The following DCAF6 variants were observed in gnomAD, a reference collection of about 807,000 sequenced individuals.
DCAF6 encodes the protein DDB1- and CUL4-associated factor 6.
A neutral mutation model predicts 125.1 loss-of-function variants in DCAF6; 54 were observed. That is an observed-to-expected ratio of 0.43 (90% CI 0.35 to 0.54). DCAF6 has a LOEUF of 0.54. Ranked by LOEUF, DCAF6 falls within the 20% of genes least tolerant of loss-of-function variation. DCAF6 has a pLI of 0.01. For missense variants in DCAF6, 934 were observed against 1,161.7 expected (o/e 0.80, Z 2.85); for synonymous variants, 371 against 390.4 (o/e 0.95, Z 0.58).
chr1:167,989,101 A>G (rs192003702), intron 5 of DCAF6, among the ~76,000 whole-genome samples: 2 of 151,558 alleles, frequency 1.3e-5, no homozygotes, highest in African/African-American at 2.4e-5. Context: ...AACAAAACAA[A>G]AAAACCTTTA....
At chr1:167,885,114 CAG>C in the DCAF6 span, among the ~76,000 whole-genome samples, 1 of 139,522 alleles carries the variant, frequency 7.2e-6, no homozygotes, top group Non-Finnish European at 1.6e-5. Flanking sequence ...TTGCAAATGA[CAG>C]ATCTCATTTT....
At chr1:167,893,922 G>T in the DCAF6 span, 1 of 1,613,304 alleles carries the variant, frequency 6.2e-7, no homozygotes. Context: ...GCTTCAGCGT[G>T]CATGCAAGCC....
chr1:167,869,750 C>T, the DCAF6 span, among the ~76,000 whole-genome samples: 1 of 152,292 alleles, frequency 6.6e-6, no homozygotes, highest in Admixed American at 6.5e-5. Context: ...TGCAGACCCC[C>T]TTAGAGTTGT....
In DCAF6 at chr1:168,038,454, A is replaced by G. The variant is rs199557349; in HGVS notation, c.1693A>G (p.Thr565Ala). 3 of 1,609,634 alleles carry G rather than the reference A, an allele frequency of 1.9e-6. No homozygotes were observed. Among genetic ancestry groups the G allele is most frequent in the East Asian group, 2.2e-5 (1 of 44,732 alleles). Residue 565 changes from threonine to alanine, a missense_variant, in exon 13 of 22, where the codon ACA becomes GCA. Physicochemically the swap from Thr to Ala is moderately conservative, Grantham distance 58. Coordinates refer to ENST00000367840, the MANE Select transcript of DCAF6 (RefSeq NM_001198956.2). ...GCACTACAGCACAGAAGGAACAACTACAAGCACAATAAAACTGAACTTTAC... is the reference window on the plus strand; with the variant it reads ...GCACTACAGCACAGAAGGAACAACTGCAAGCACAATAAAACTGAACTTTAC... Reference protein sequence around the residue: ...SLHYSTEGTTTSTIKLNFTDE... With the variant: ...SLHYSTEGTTASTIKLNFTDE...
intron 21 of DCAF6, among the ~76,000 whole-genome samples, chr1:168,074,292 G>A (rs1178273169): frequency 1.3e-5 from 2 of 151,932 alleles, no homozygotes; most frequent in Non-Finnish European, 2.9e-5. Context: ...GTCTTCTCTT[G>A]CTGTTGACAG....
chr1:167,880,908 C>T, the DCAF6 span, among the ~76,000 whole-genome samples: 2 of 152,136 alleles, frequency 1.3e-5, no homozygotes, highest in Non-Finnish European at 1.5e-5. Context: ...CTGCAAAGTG[C>T]TCAGTTTAAG....
chr1:167,931,800 TTA>T (rs1276107972), upstream of DCAF6, among the ~76,000 whole-genome samples: 1 of 152,194 alleles, frequency 6.6e-6, no homozygotes, highest in African/African-American at 2.4e-5. Context: ...TATAAAATTT[TTA>T]TGATACAGAT....
chr1:168,047,430 C>G (rs536202531), intron 16 of DCAF6, among the ~76,000 whole-genome samples: 1 of 152,008 alleles, frequency 6.6e-6, no homozygotes. Context: ...AGATTTGAAA[C>G]CACTCTGGGA....
At chr1:168,031,801 C>T (rs777876929) in intron 12 of DCAF6, among the ~76,000 whole-genome samples, 3 of 151,816 alleles carry the variant, frequency 2.0e-5, no homozygotes, top group Non-Finnish European at 4.4e-5. Context: ...ATGGCGTGGG[C>T]GTATTTACTT....
intron 2 of DCAF6, among the ~76,000 whole-genome samples, chr1:167,952,614 C>T (rs1557884062): frequency 6.6e-6 from 1 of 152,162 alleles, no homozygotes; most frequent in African/African-American, 2.4e-5. Flanking sequence ...GCTACATCTT[C>T]TCTGTCTCAG....
At chr1:167,962,073 ATTC>A (rs1173954510) in intron 2 of DCAF6, among the ~76,000 whole-genome samples, 3 of 152,100 alleles carry the variant, frequency 2.0e-5, no homozygotes, top group East Asian at 3.9e-4. Context: ...TTTGATTTTT[ATTC>A]TTTTAAATTT....
At chr1:167,878,381 T>C in the DCAF6 span, 1 of 1,558,536 alleles carries the variant, frequency 6.4e-7, no homozygotes, top group Non-Finnish European at 8.8e-7. Flanking sequence ...GGGTGACTGC[T>C]TTGCTATCAT....
chr1:167,954,008 TTTTG>T (rs1263546349), intron 2 of DCAF6, among the ~76,000 whole-genome samples: 1 of 152,122 alleles, frequency 6.6e-6, no homozygotes, highest in Non-Finnish European at 1.5e-5. Flanking sequence ...CTCTGTAGTT[TTTTG>T]TTTGTTTGTT....
chr1:167,906,275 G>A, the DCAF6 span, among the ~76,000 whole-genome samples: 104 of 151,762 alleles, frequency 6.9e-4, 1 homozygote, highest in Non-Finnish European at 1.2e-3. Flanking sequence ...AGTGCTAAAT[G>A]TTACATATTG....
At chr1:167,949,048 A>G (rs113395630) in intron 1 of DCAF6, among the ~76,000 whole-genome samples, 1,869 of 152,356 alleles carry the variant, frequency 0.012, 39 homozygotes, top group African/African-American at 0.043. Flanking sequence ...CGTATATTGA[A>G]TGCATACTTT....
rs1256025341 is a variant in DCAF6 at position 167,993,239 on chromosome 1, T to C, written c.702T>C (p.Gly234=). 1 of 1,613,984 alleles carries C rather than the reference T, an allele frequency of 6.2e-7. No individual in the cohort carries two copies. Among genetic ancestry groups the C allele is most frequent in the South Asian group, 1.1e-5 (1 of 91,054 alleles). The change falls in exon 7 of 22, where the codon GGT becomes GGC. Residue 234 remains glycine, a synonymous_variant. Transcript: ENST00000367840. The part of the protein sequence containing the change: ...LGTRATGNYA[G]RGTTGMVARF... ...TTTCTTTTTTAGGGAATTATGCAGG[T>C]CGAGGGACTACTGGAATGGTTGCCC...
intron 12 of DCAF6, among the ~76,000 whole-genome samples, chr1:168,036,844 T>G (rs1331138426): frequency 1.3e-5 from 2 of 152,172 alleles, no homozygotes; most frequent in African/African-American, 4.8e-5. Context: ...GACATAATCA[T>G]AACAAAAATA....
At chr1:167,891,566 G>A in the DCAF6 span, among the ~76,000 whole-genome samples, 1 of 151,058 alleles carries the variant, frequency 6.6e-6, no homozygotes, top group African/African-American at 2.4e-5. Flanking sequence ...TGAGGCAGGA[G>A]AATGGCATGA....
the DCAF6 span, among the ~76,000 whole-genome samples, chr1:167,882,886 A>G: frequency 6.6e-6 from 1 of 152,356 alleles, no homozygotes; most frequent in African/African-American, 2.4e-5. Flanking sequence ...TAATGAGGAT[A>G]ATGACAAGAG....
Sources: allele counts gnomAD v4.1 joint callset (sites outside exome capture counted in the v4.1 genomes callset), GRCh38; gene constraint gnomAD v4.1.1; transcripts MANE v1.5; gene names NCBI Gene and HGNC (gene_info 2026-07-23, HGNC 2026-07-21).